Variants in ADGRL4 observed in about 807,000 individuals in gnomAD.
The protein encoded by ADGRL4 is EGF, latrophilin and seven transmembrane domain containing 1.
Under a neutral mutation model 74.8 loss-of-function variants are expected in ADGRL4, and 90 were observed. The observed-to-expected ratio is 1.20, with a 90% confidence interval of 1.02 to 1.43. ADGRL4 has a LOEUF of 1.43. Among genes scored for constraint, ADGRL4 ranks in the 40% most tolerant of loss-of-function variants. ADGRL4 has a pLI of 0.00. For synonymous variants in ADGRL4, 311 were observed against 279.2 expected (o/e 1.11, Z -1.14); for missense variants, 881 against 814.3 (o/e 1.08, Z -1.00).
At chr1:78,942,482 ATC>A (rs1474275342) in intron 3 of ADGRL4, among the ~76,000 whole-genome samples, 3 of 152,276 alleles carry the variant, frequency 2.0e-5, no homozygotes, top group East Asian at 3.9e-4. Context: ...TGAAAGCTAA[ATC>A]TCTGTTAGGT....
At position 78,927,934 on chromosome 1, in the gene ADGRL4, C is replaced by A. The variant is rs1316728581; in HGVS notation, c.878-843G>T. On this transcript the variant is annotated intron_variant, in intron 7 of 14. Coordinates refer to ENST00000370742, the MANE Select transcript of ADGRL4 (RefSeq NM_022159.4). ...GATACATTACATAAAAGATTTTCCT[C>A]AAGTGTCGTCTTACAAAACTTATAT... 3.4e-5 allele frequency among the ~76,000 whole-genome samples: 5 copies of A among 146,976 alleles called. 1 individual carries two copies. Among genetic ancestry groups the A allele is most frequent in the African/African-American group, 1.4e-4 (5 of 36,528 alleles).
chr1:78,992,613 G>T lies in ADGRL4; in HGVS notation c.172+12457C>A, dbSNP rs1437079824. On this transcript the variant is annotated intron_variant, in intron 2 of 14. Coordinates refer to ENST00000370742, the MANE Select transcript of ADGRL4 (RefSeq NM_022159.4). Reference sequence around the variant, plus strand: ...TCCTACTCACAACTACACACAAAAGGTTAATAATTTAAGGTTGGTGCTTTT... The same window carrying T: ...TCCTACTCACAACTACACACAAAAGTTTAATAATTTAAGGTTGGTGCTTTT... Among the ~76,000 whole-genome samples the T allele has an allele frequency of 4.6e-5, 7 of 151,922 alleles. No individual in the cohort carries two copies. The East Asian group carries it at 5.8e-4, about 13-fold the overall frequency.
chr1:78,921,732 T>C lies in ADGRL4; in HGVS notation c.1138A>G (p.Met380Val), dbSNP rs1570229507. Reference protein sequence around the residue: ...CAFWNYSPDTMNGSWSSEGCE... With the variant: ...CAFWNYSPDTVNGSWSSEGCE... ...CCCTCTGAAGACCAGCTGCCATTCA[T>C]GGTATCAGGTGAGTAATTCCAAAAT... The change falls in exon 9 of 15, where the codon ATG (methionine) becomes GTG (valine). Residue 380 changes from methionine to valine, a missense_variant. Transcript: ENST00000370742. 1.2e-6 allele frequency: 2 copies of C among 1,602,870 alleles called. No individual in the cohort carries two copies. The highest frequency in any genetic ancestry group is 1.4e-5 in the African/African-American group (1 of 73,944).
chr1:78,925,656 G>C (rs923988471), intron 8 of ADGRL4, among the ~76,000 whole-genome samples: 1 of 152,020 alleles, frequency 6.6e-6, no homozygotes, highest in African/African-American at 2.4e-5. Context: ...TTTCATAACA[G>C]TCATTACTTA....
intron 2 of ADGRL4, among the ~76,000 whole-genome samples, chr1:78,954,715 A>G (rs1441664057): frequency 6.6e-6 from 1 of 152,182 alleles, no homozygotes; most frequent in Non-Finnish European, 1.5e-5. Context: ...ACATTATATC[A>G]CTAAAAGTTC....
At chr1:78,958,487 A>C (rs1377776687) in intron 2 of ADGRL4, among the ~76,000 whole-genome samples, 3 of 152,130 alleles carry the variant, frequency 2.0e-5, no homozygotes, top group Non-Finnish European at 4.4e-5. Flanking sequence ...GATGACTTGG[A>C]GGGGTTCAAG....
chr1:78,890,219 G>A lies in ADGRL4; in HGVS notation c.*935C>T. ...AAGGGAATATTGCAATGTGAACTGT[G>A]ATATTTATAAAATTAAAAATAATAA... On this transcript the variant is annotated 3_prime_UTR_variant, in exon 15 of 15. Transcript: ENST00000370742. 1 of 152,562 alleles carries A rather than the reference G, an allele frequency of 6.6e-6. No individual in the cohort carries two copies. The highest frequency in any genetic ancestry group is 6.6e-5 in the Admixed American group (1 of 15,250). The allele number at this position is 152,562 out of a possible 1,614,324, so 9.5% of individuals were successfully genotyped here. A position where few individuals can be genotyped will look rare whatever the true frequency, so the allele number is the denominator to read the frequency against.
intron 12 of ADGRL4, among the ~76,000 whole-genome samples, chr1:78,899,896 A>G (rs1252814227): frequency 6.6e-6 from 1 of 152,000 alleles, no homozygotes; most frequent in Non-Finnish European, 1.5e-5. Flanking sequence ...AAATGTCCAC[A>G]CCTTGATTCC....
At chr1:78,999,504 C>T (rs1297722600) in intron 2 of ADGRL4, among the ~76,000 whole-genome samples, 2 of 152,058 alleles carry the variant, frequency 1.3e-5, no homozygotes, top group Non-Finnish European at 2.9e-5. Flanking sequence ...ACCCAGGAGG[C>T]GGAGCTGGCA....
chr1:78,969,835 G>A (rs898608841), intron 2 of ADGRL4, among the ~76,000 whole-genome samples: 1 of 151,810 alleles, frequency 6.6e-6, no homozygotes. Context: ...TCTTGTTCCT[G>A]TGAACCAACC....
intron 2 of ADGRL4, among the ~76,000 whole-genome samples, chr1:78,978,157 A>T (rs538612937): frequency 6.6e-6 from 1 of 152,002 alleles, no homozygotes; most frequent in Admixed American, 6.6e-5. Flanking sequence ...ACCCTAAATC[A>T]TGTATCAAAG....
chr1:78,909,607 T>A (rs1323635056), intron 12 of ADGRL4, among the ~76,000 whole-genome samples: 1 of 151,878 alleles, frequency 6.6e-6, no homozygotes, highest in African/African-American at 2.4e-5. Context: ...GTTTATATAT[T>A]CCAATCGAAC....
intron 2 of ADGRL4, among the ~76,000 whole-genome samples, chr1:78,987,042 G>A (rs1650512946): frequency 6.6e-6 from 1 of 151,728 alleles, no homozygotes; most frequent in African/African-American, 2.4e-5. Context: ...GGAAGGAGAT[G>A]TCAGTGCTAT....
chr1:78,967,447 A>C (rs1370680913), intron 2 of ADGRL4, among the ~76,000 whole-genome samples: 2 of 152,194 alleles, frequency 1.3e-5, no homozygotes, highest in Non-Finnish European at 2.9e-5. Flanking sequence ...TACCTTTATA[A>C]TGTGTAATTG....
chr1:78,941,998 G>C (rs1177912412), intron 3 of ADGRL4, among the ~76,000 whole-genome samples: 1 of 151,854 alleles, frequency 6.6e-6, no homozygotes, highest in East Asian at 1.9e-4. Flanking sequence ...AGGAGATCGA[G>C]ACCATCCTGG....
At chr1:78,974,627 G>A (rs1052025919) in intron 2 of ADGRL4, among the ~76,000 whole-genome samples, 1 of 152,102 alleles carries the variant, frequency 6.6e-6, no homozygotes, top group East Asian at 1.9e-4. Context: ...GGGCTAAAAT[G>A]TGTCAGCTGG....
intron 2 of ADGRL4, among the ~76,000 whole-genome samples, chr1:78,990,901 A>C (rs11579537): frequency 0.091 from 13,857 of 151,968 alleles, 886 homozygotes; most frequent in East Asian, 0.35. Context: ...CTGGCATAAG[A>C]ACCTTTCTGA....
chr1:78,900,278 G>A (rs1278382106), intron 12 of ADGRL4, among the ~76,000 whole-genome samples: 2 of 152,004 alleles, frequency 1.3e-5, no homozygotes, highest in African/African-American at 4.8e-5. Context: ...GAATTCTTCC[G>A]CAGTCCCTCC....
At chr1:79,001,044 TA>T (rs1650829036) in intron 2 of ADGRL4, among the ~76,000 whole-genome samples, 1 of 151,970 alleles carries the variant, frequency 6.6e-6, no homozygotes, top group African/African-American at 2.4e-5. Context: ...AAATAATCCT[TA>T]AATATTATCT....
Sources: allele counts gnomAD v4.1 joint callset (sites outside exome capture counted in the v4.1 genomes callset), GRCh38; gene constraint gnomAD v4.1.1; transcripts MANE v1.5; gene names NCBI Gene and HGNC (gene_info 2026-07-23, HGNC 2026-07-21).